KCNIP4: variants seen among roughly 807,000 people sequenced by gnomAD.
The protein encoded by KCNIP4 is Kv channel-interacting protein 4.
In KCNIP4, 12 loss-of-function variants were observed where a neutral mutation model predicts 34.0. That is an observed-to-expected ratio of 0.35 (90% CI 0.23 to 0.57). KCNIP4 has a LOEUF of 0.57. Among genes scored for constraint, KCNIP4 ranks in the 20% least tolerant of loss-of-function variants. The pLI is 0.83. For synonymous variants in KCNIP4, 124 were observed against 102.2 expected (o/e 1.21, Z -1.29); for missense variants, 238 against 311.7 (o/e 0.76, Z 1.78).
chr4:21,071,631 ATTT>A (rs1182694847), intron 1 of KCNIP4, among the ~76,000 whole-genome samples: 1 of 151,780 alleles, frequency 6.6e-6, no homozygotes, highest in Non-Finnish European at 1.5e-5. Context: ...GATTTTATTT[ATTT>A]TTTTATCTTT....
intron 1 of KCNIP4, among the ~76,000 whole-genome samples, chr4:20,949,639 A>G (rs1389225541): frequency 6.6e-6 from 1 of 152,114 alleles, no homozygotes; most frequent in Non-Finnish European, 1.5e-5. Flanking sequence ...CTGGATTAAG[A>G]AAATGTGGCA....
intron 1 of KCNIP4, among the ~76,000 whole-genome samples, chr4:21,155,322 T>C (rs1288810762): frequency 2.0e-5 from 3 of 152,206 alleles, no homozygotes; most frequent in Non-Finnish European, 2.9e-5. Context: ...AATGTACATA[T>C]TGCCTCTGCC....
intron 1 of KCNIP4, among the ~76,000 whole-genome samples, chr4:21,065,437 G>T (rs1397095294): frequency 1.3e-5 from 2 of 151,882 alleles, no homozygotes; most frequent in East Asian, 3.9e-4. Context: ...TCCTACAATT[G>T]GTTTGATTTA....
intron 1 of KCNIP4, among the ~76,000 whole-genome samples, chr4:21,758,742 T>C (rs1717833755): frequency 6.6e-6 from 1 of 150,828 alleles, no homozygotes; most frequent in South Asian, 2.1e-4. Context: ...AACAAAGCCA[T>C]ATATGGGCTG....
At chr4:20,796,174 T>C (rs1296487558) in intron 3 of KCNIP4, among the ~76,000 whole-genome samples, 1 of 152,236 alleles carries the variant, frequency 6.6e-6, no homozygotes, top group Non-Finnish European at 1.5e-5. Flanking sequence ...ATTTTCTTAG[T>C]CGAAATCTAA....
intron 1 of KCNIP4, among the ~76,000 whole-genome samples, chr4:21,248,583 C>A (rs896805776): frequency 6.6e-6 from 1 of 151,972 alleles, no homozygotes. Context: ...AACTTATGTC[C>A]TTTTTCCTTT....
At chr4:21,007,194 T>C (rs1045123365) in intron 1 of KCNIP4, among the ~76,000 whole-genome samples, 41 of 152,182 alleles carry the variant, frequency 2.7e-4, no homozygotes, top group African/African-American at 9.4e-4. Flanking sequence ...TTCAAGTGAA[T>C]GTAATAGTCA....
intron 1 of KCNIP4, among the ~76,000 whole-genome samples, chr4:20,951,099 G>GCT (rs140555890): frequency 7.3e-5 from 11 of 151,102 alleles, no homozygotes; most frequent in East Asian, 1.9e-4. Flanking sequence ...ACGTCAGAGT[G>GCT]CTCTCTCTCT....
chr4:21,896,245 A>T (rs146407539), intron 1 of KCNIP4, among the ~76,000 whole-genome samples: 2 of 152,332 alleles, frequency 1.3e-5, no homozygotes, highest in African/African-American at 4.8e-5. Context: ...TAGAATGTAC[A>T]CTTTCATAGA....
chr4:21,869,516 T>C (rs1035653259), intron 1 of KCNIP4, among the ~76,000 whole-genome samples: 1 of 152,180 alleles, frequency 6.6e-6, no homozygotes, highest in African/African-American at 2.4e-5. Context: ...TCTAAAAACC[T>C]TTCAAGTCCC....
chr4:20,833,006 C>T (rs967748220), intron 3 of KCNIP4, among the ~76,000 whole-genome samples: 2 of 152,154 alleles, frequency 1.3e-5, no homozygotes, highest in Non-Finnish European at 1.5e-5. Context: ...TAAAACTCTA[C>T]ACAGAGACAG....
chr4:21,228,542 A>C (rs1409899580), intron 1 of KCNIP4, among the ~76,000 whole-genome samples: 2 of 152,170 alleles, frequency 1.3e-5, no homozygotes, highest in Non-Finnish European at 2.9e-5. Flanking sequence ...TGACTGAAAC[A>C]GCTTAAATAA....
intron 1 of KCNIP4, among the ~76,000 whole-genome samples, chr4:21,223,120 G>A (rs1302364479): frequency 2.0e-5 from 3 of 152,130 alleles, no homozygotes; most frequent in African/African-American, 7.2e-5. Flanking sequence ...ATCTTCTTAG[G>A]ATATCTGATG....
At chr4:21,723,055 A>G (rs191818549) in intron 1 of KCNIP4, among the ~76,000 whole-genome samples, 21 of 152,226 alleles carry the variant, frequency 1.4e-4, no homozygotes, top group East Asian at 7.7e-4. Flanking sequence ...ATATATTTCT[A>G]CAGAATAAAA....
At chr4:21,501,686 C>A (rs1207678418) in intron 1 of KCNIP4, among the ~76,000 whole-genome samples, 2 of 44,706 alleles carry the variant, frequency 4.5e-5, no homozygotes, top group African/African-American at 2.4e-4. Context: ...AATGCAGAAG[C>A]CTTGTGTGTG....
intron 1 of KCNIP4, among the ~76,000 whole-genome samples, chr4:20,950,131 TAA>T (rs57425716): frequency 1.5e-5 from 2 of 137,724 alleles, no homozygotes; most frequent in Non-Finnish European, 3.1e-5. Flanking sequence ...TTTTTTAAAT[TAA>T]AAAAAAAAAA....
intron 1 of KCNIP4, among the ~76,000 whole-genome samples, chr4:21,303,067 T>G (rs1269768449): frequency 6.6e-6 from 1 of 152,110 alleles, no homozygotes; most frequent in Non-Finnish European, 1.5e-5. Flanking sequence ...ATAATGTAAA[T>G]TTACTCAGAT....
At chr4:21,713,506 C>T (rs1713906498) in intron 1 of KCNIP4, among the ~76,000 whole-genome samples, 1 of 152,146 alleles carries the variant, frequency 6.6e-6, no homozygotes, top group African/African-American at 2.4e-5. Flanking sequence ...TTATGGGGTA[C>T]AAGTGATATT....
chr4:21,449,985 G>C (rs1256469151), intron 1 of KCNIP4, among the ~76,000 whole-genome samples: 2 of 152,064 alleles, frequency 1.3e-5, no homozygotes, highest in East Asian at 1.9e-4. Flanking sequence ...CCCAGGATCT[G>C]TGCAAGAAAT....
Sources: gnomAD v4.1 joint callset for allele counts (sites outside exome capture counted in the v4.1 genomes callset) on GRCh38, gnomAD v4.1.1 for gene constraint, MANE v1.5 for transcripts, NCBI Gene and HGNC (gene_info 2026-07-23, HGNC 2026-07-21) for gene names.